Variants in HSD11B1 observed in about 807,000 individuals in gnomAD.
The protein encoded by HSD11B1 is 11-beta-hydroxysteroid dehydrogenase 1.
In HSD11B1, 15 loss-of-function variants were observed where a neutral mutation model predicts 22.1. The ratio of observed to expected loss-of-function variants is 0.68; its 90% CI spans 0.45 to 1.04. The LOEUF is 1.04. Among genes scored for constraint, HSD11B1 ranks in the 50% least tolerant of loss-of-function variants. The pLI, the probability that HSD11B1 is intolerant of heterozygous loss-of-function variation, is 0.00. For synonymous variants in HSD11B1, 122 were observed against 125.2 expected, an observed-to-expected ratio of 0.97 and a Z score of 0.17; for missense variants, 281 against 357.6, an observed-to-expected ratio of 0.79 and a Z score of 1.73.
intron 1 of HSD11B1, 73 bp downstream of exon 1, chr1:209,705,103 C>A: frequency 8.7e-7 from 1 of 1,150,146 alleles, no homozygotes; most frequent in East Asian, 2.3e-5. Context: ...TTCCTGAGGA[C>A]CAAGATGTGT....
chr1:209,725,116 A>G (rs1319385060), intron 4 of HSD11B1, among the ~76,000 whole-genome samples: 1 of 152,200 alleles, frequency 6.6e-6, no homozygotes, highest in African/African-American at 2.4e-5. Flanking sequence ...CAGAAATAAT[A>G]CATGCTGTCT....
At chr1:209,688,199 A>G (rs1418848258) in intron 1 of HSD11B1, among the ~76,000 whole-genome samples, 1 of 152,094 alleles carries the variant, frequency 6.6e-6, no homozygotes, top group East Asian at 1.9e-4. Flanking sequence ...CCAAAATGCC[A>G]TGCTTTCTAG....
At chr1:209,723,777 G>C (rs1158595290) in intron 4 of HSD11B1, among the ~76,000 whole-genome samples, 3 of 152,198 alleles carry the variant, frequency 2.0e-5, no homozygotes, top group African/African-American at 4.8e-5. Flanking sequence ...CAGGGAAGAG[G>C]ATAAGGAGTA....
In HSD11B1 at chr1:209,699,427, A is replaced by G. The variant is rs531295358; in HGVS notation, c.-48-5468A>G. 4.9e-4 allele frequency among the ~76,000 whole-genome samples: 75 copies of G among 152,320 alleles called. No homozygotes were observed. The South Asian group carries it at 7.2e-3, about 15-fold the overall frequency. On this transcript the variant is annotated intron_variant, in intron 1 of 6. Transcript: ENST00000261465. ...GGCAGCAGTAAGAGTAAAATGAGAA[A>G]GAAGCAAAAGCAGAAACCCCTGATA...
chr1:209,690,028 A>G (rs2076749949), intron 1 of HSD11B1, among the ~76,000 whole-genome samples: 1 of 152,194 alleles, frequency 6.6e-6, no homozygotes, highest in Non-Finnish European at 1.5e-5. Context: ...CTGAAAATAA[A>G]CTTTCCTTCT....
rs1264454896 is a variant in HSD11B1 at position 209,688,307 on chromosome 1, C to G, written c.-49+2022C>G. 3.3e-5 allele frequency among the ~76,000 whole-genome samples: 5 copies of G among 152,130 alleles called. No individual in the cohort carries two copies. In the South Asian group the frequency reaches 6.2e-4, roughly 19 times the overall value. ...AGCCTTCAAAACTGAGCTCCAGGACCACCTCCCAGAGCCCTTTCCTGCTGC... is the reference window on the plus strand; with the variant it reads ...AGCCTTCAAAACTGAGCTCCAGGACGACCTCCCAGAGCCCTTTCCTGCTGC... On this transcript the variant is annotated intron_variant, in intron 1 of 6. Transcript: ENST00000261465.
chr1:209,721,912 G>A (rs1411673310), intron 4 of HSD11B1, among the ~76,000 whole-genome samples: 1 of 152,178 alleles, frequency 6.6e-6, no homozygotes, highest in Admixed American at 6.5e-5. Context: ...AACTCCAGGG[G>A]ACATATTAAA....
Position 209,687,500 on chromosome 1 carries a change from C to T in HSD11B1, c.-49+1215C>T, listed in dbSNP as rs1470011532. On this transcript the variant is annotated intron_variant, in intron 1 of 6. Coordinates refer to the HSD11B1 transcript ENST00000261465. Reference sequence around the variant, plus strand: ...TAATTTGAGTACAGCTAAAAGTTCTCTGTGTCCAATTTCTGAGCTAGAACA... The same window carrying T: ...TAATTTGAGTACAGCTAAAAGTTCTTTGTGTCCAATTTCTGAGCTAGAACA... Among the ~76,000 whole-genome samples, 6 of 152,204 alleles carry T rather than the reference C, an allele frequency of 3.9e-5. No individual in the cohort carries two copies. The South Asian group carries it at 1.2e-3, about 32-fold the overall frequency.
intron 4 of HSD11B1, among the ~76,000 whole-genome samples, chr1:209,726,275 GTAAAAAA>G (rs1178726061): frequency 2.5e-4 from 3 of 11,810 alleles, no homozygotes; most frequent in Admixed American, 3.3e-3. Context: ...ATGAGACTCC[GTAAAAAA>G]AAAAAAAAAA....
intron 4 of HSD11B1, among the ~76,000 whole-genome samples, chr1:209,709,961 C>CACACACAT (rs1320780441): frequency 6.7e-6 from 1 of 149,810 alleles, no homozygotes; most frequent in African/African-American, 2.5e-5. Flanking sequence ...CACACACACA[C>CACACACAT]ACACACACAC....
chr1:209,713,253 G>C (rs768106597), intron 4 of HSD11B1, among the ~76,000 whole-genome samples: 8 of 152,108 alleles, frequency 5.3e-5, no homozygotes, highest in Non-Finnish European at 8.8e-5. Flanking sequence ...ATCTGTATCT[G>C]TATCCATAGC....
At chr1:209,703,448 T>C (rs2076836650), upstream of HSD11B1, among the ~76,000 whole-genome samples, 1 of 152,204 alleles carries the variant, frequency 6.6e-6, no homozygotes, top group Non-Finnish European at 1.5e-5. Flanking sequence ...ATCTAATTTT[T>C]ACTTGAATTT....
Position 209,689,736 on chromosome 1 carries a change from A to C in HSD11B1, c.-49+3451A>C, listed in dbSNP as rs529951679. On this transcript the variant is annotated intron_variant, in intron 1 of 6. Transcript: ENST00000261465. ...GTGGAAGCAGTCTAAGGCCCTCACC[A>C]GGTGGAGATGTCGGCACCGTGCTTC... Among the ~76,000 whole-genome samples, 232 of 152,280 alleles carry C rather than the reference A, an allele frequency of 1.5e-3. 2 individuals are homozygous for C. Among genetic ancestry groups the C allele is most frequent in the South Asian group, 4.1e-3 (20 of 4,824 alleles).
upstream of HSD11B1, chr1:209,704,779 G>A (rs1558189606): frequency 1.5e-5 from 9 of 618,888 alleles, no homozygotes; most frequent in East Asian, 8.5e-5. Context: ...AAAGCCAATC[G>A]CTGCTCTGAC....
At chr1:209,719,959 G>T (rs756907747) in intron 4 of HSD11B1, among the ~76,000 whole-genome samples, 9 of 152,148 alleles carry the variant, frequency 5.9e-5, no homozygotes, top group Non-Finnish European at 1.3e-4. Context: ...TTCTAGATTG[G>T]CTGGGGGAAG....
chr1:209,726,176 G>A (rs554031526), intron 4 of HSD11B1, among the ~76,000 whole-genome samples: 243 of 148,294 alleles, frequency 1.6e-3, no homozygotes, highest in African/African-American at 5.9e-3. Flanking sequence ...AGCTACTCAG[G>A]AGGCTGAGGC....
intron 4 of HSD11B1, among the ~76,000 whole-genome samples, chr1:209,726,968 G>T (rs2077006396): frequency 6.6e-6 from 1 of 152,090 alleles, no homozygotes; most frequent in Admixed American, 6.5e-5. Flanking sequence ...TGGGCTGAAT[G>T]GTGGTCCTCC....
At chr1:209,692,610 G>GGGGGC (rs888184225) in intron 1 of HSD11B1, among the ~76,000 whole-genome samples, 1 of 119,648 alleles carries the variant, frequency 8.4e-6, no homozygotes, top group African/African-American at 3.1e-5. Flanking sequence ...AAAATGGCGG[G>GGGGGC]GGGGGGGGTG....
At chr1:209,709,202 G>C (rs1437257778) in intron 4 of HSD11B1, among the ~76,000 whole-genome samples, 5 of 152,166 alleles carry the variant, frequency 3.3e-5, no homozygotes. Context: ...TGTTTATTGA[G>C]TTTCAGTGAT....
Sources: allele counts gnomAD v4.1 joint callset (sites outside exome capture counted in the v4.1 genomes callset), GRCh38; gene constraint gnomAD v4.1.1; transcripts MANE v1.5; gene names NCBI Gene and HGNC (gene_info 2026-07-23, HGNC 2026-07-21).